TMPO: variants seen among roughly 807,000 people sequenced by gnomAD.
The protein encoded by TMPO is LEM domain containing 4.
Under a neutral mutation model 45.4 loss-of-function variants are expected in TMPO, and 22 were observed. That is an observed-to-expected ratio of 0.48 (90% CI 0.35 to 0.69). The LOEUF (loss-of-function observed/expected upper bound fraction) is 0.69, where lower values mean the gene tolerates loss of function less well. TMPO is among the 30% of genes least tolerant of loss of function. The probability of loss-of-function intolerance (pLI) is 0.01; values close to 1 mark genes in which losing one functional copy is unlikely to be tolerated. For synonymous variants in TMPO, 241 were observed against 204.1 expected, an observed-to-expected ratio of 1.18 and a Z score of -1.54; for missense variants, 512 against 548.8, an observed-to-expected ratio of 0.93 and a Z score of 0.67.
chr12:98,536,753 A>T (rs1877596757), intron 3 of TMPO, among the ~76,000 whole-genome samples: 1 of 152,228 alleles, frequency 6.6e-6, no homozygotes, highest in Non-Finnish European at 1.5e-5. Flanking sequence ...AAAAATACAT[A>T]TCCTTGCGTT....
intron 1 of TMPO, among the ~76,000 whole-genome samples, chr12:98,527,351 CAA>C (rs1175889026): frequency 9.9e-6 from 1 of 100,668 alleles, no homozygotes; most frequent in African/African-American, 4.3e-5. Context: ...AAAAAAAAAA[CAA>C]AAAAAAAAAA....
intron 3 of TMPO, chr12:98,533,885 T>C: frequency 6.2e-7 from 1 of 1,614,170 alleles, no homozygotes; most frequent in Non-Finnish European, 8.5e-7. Context: ...ATCCTAGGGT[T>C]TATTTCTGAA....
At chr12:98,539,477 T>TTTTC (rs1877780608) in intron 4 of TMPO, among the ~76,000 whole-genome samples, 1 of 149,162 alleles carries the variant, frequency 6.7e-6, no homozygotes, top group African/African-American at 2.5e-5. Context: ...ATTACTTTTT[T>TTTTC]TTTTTTTTTT....
Position 98,549,334 on chromosome 12 carries a change from C to T in TMPO, c.*1476C>T, listed in dbSNP as rs973928993. 5.3e-5 allele frequency: 8 copies of T among 152,126 alleles called. No homozygotes were observed. Among genetic ancestry groups the T allele is most frequent in the African/African-American group, 1.9e-4 (8 of 41,404 alleles). The allele number at this position is 152,126 out of a possible 1,614,324, so 9.4% of individuals were successfully genotyped here. A position where few individuals can be genotyped will look rare whatever the true frequency, so the allele number is the denominator to read the frequency against. On this transcript the variant is annotated 3_prime_UTR_variant, in exon 9 of 9. Coordinates refer to ENST00000556029, the MANE Select transcript of TMPO (RefSeq NM_001032283.3). ...CTGCCTCCCAGGTTCAAGCAATTTT[C>T]CTGCCTCGGCAGAGACGGGGTTTCA...
Position 98,547,668 on chromosome 12 carries a change from CT to C in TMPO, c.1176del (p.Lys393SerfsTer23). On this transcript the variant is annotated frameshift_variant, in exon 9 of 9. Transcript: ENST00000556029. LOFTEE classifies it high-confidence loss of function. The stretch of plus-strand genomic sequence containing the variant: ...GAGTCTTTTTCATCTAAATATGTTC[CT>C]AAGTATGTTCCCTTGGCAGATGTCA... Reference protein sequence around the residue: ...MEESFSSKYVPKYVPLADVKS... With the variant: ...MEESFSSKYVXKYVPLADVKS... The C allele has an allele frequency of 1.2e-6, 2 of 1,614,152 alleles. No homozygotes were observed. Among genetic ancestry groups the C allele is most frequent in the Non-Finnish European group, 1.7e-6 (2 of 1,180,028 alleles).
At chr12:98,536,268 GTAATC>G (rs1877559675) in intron 3 of TMPO, among the ~76,000 whole-genome samples, 1 of 152,068 alleles carries the variant, frequency 6.6e-6, no homozygotes, top group African/African-American at 2.4e-5. Context: ...CAGTAAGAAA[GTAATC>G]TAACTTAAAT....
At chr12:98,547,437 T>G in intron 8 of TMPO, 136 bp from the exon 9 acceptor site, 1 of 1,030,910 alleles carries the variant, frequency 9.7e-7, no homozygotes, top group Non-Finnish European at 1.4e-6. Flanking sequence ...CCTCACTGCT[T>G]TATATGTATC....
intron 1 of TMPO, among the ~76,000 whole-genome samples, chr12:98,519,401 G>C (rs1229903690): frequency 6.6e-6 from 1 of 152,122 alleles, no homozygotes; most frequent in East Asian, 1.9e-4. Context: ...GTTTCGCCAT[G>C]TTGGCCAGGC....
chr12:98,545,352 G>C (rs1878170079), intron 7 of TMPO, among the ~76,000 whole-genome samples: 1 of 152,092 alleles, frequency 6.6e-6, no homozygotes, highest in Admixed American at 6.6e-5. Context: ...TGTTCTGTTT[G>C]TCATGGATGC....
intron 3 of TMPO, chr12:98,533,588 C>T (rs142981381): frequency 1.2e-6 from 2 of 1,614,026 alleles, no homozygotes; most frequent in Non-Finnish European, 1.7e-6. Context: ...GATTCAGGTT[C>T]CTTTGTGGCA....
chr12:98,546,545 A>C (rs1409022977), intron 8 of TMPO, 98 bp downstream of exon 8: 2 of 1,039,250 alleles, frequency 1.9e-6, no homozygotes, highest in East Asian at 4.9e-5. Flanking sequence ...GCTCAGAATT[A>C]AGCTGTTTTT....
intron 1 of TMPO, among the ~76,000 whole-genome samples, chr12:98,524,271 G>T (rs923447352): frequency 6.6e-6 from 1 of 152,142 alleles, no homozygotes; most frequent in Non-Finnish European, 1.5e-5. Flanking sequence ...CCAAATAGAG[G>T]TAACAAGAGT....
intron 1 of TMPO, 58 bp downstream of exon 1, chr12:98,516,204 C>T (rs1203785365): frequency 1.5e-6 from 2 of 1,318,050 alleles, no homozygotes; most frequent in Non-Finnish European, 1.9e-6. Flanking sequence ...CGCGCGCGCT[C>T]GCCGCCGTTT....
intron 1 of TMPO, among the ~76,000 whole-genome samples, chr12:98,517,274 C>T (rs984753016): frequency 6.6e-6 from 1 of 152,232 alleles, no homozygotes; most frequent in Non-Finnish European, 1.5e-5. Flanking sequence ...GGTTAAATCT[C>T]AAATCGGCTC....
chr12:98,532,865 T>G (rs1422524925), intron 3 of TMPO: 1 of 1,614,196 alleles, frequency 6.2e-7, no homozygotes, highest in Non-Finnish European at 8.5e-7. Flanking sequence ...ACTAGGGATA[T>G]TGTTCCTTTT....
chr12:98,519,775 G>C (rs1349038058), intron 1 of TMPO, among the ~76,000 whole-genome samples: 1 of 152,032 alleles, frequency 6.6e-6, no homozygotes, highest in Non-Finnish European at 1.5e-5. Flanking sequence ...GAGTCTGTTC[G>C]ATGTTTTTAT....
chr12:98,539,081 T>G (rs984564851), intron 4 of TMPO, among the ~76,000 whole-genome samples: 1 of 151,976 alleles, frequency 6.6e-6, no homozygotes, highest in African/African-American at 2.4e-5. Context: ...ATGCCTGTAA[T>G]CCTAGCTACT....
At position 98,531,567 on chromosome 12, in the gene TMPO, G is replaced by C; in HGVS notation, c.407-113G>C. On this transcript the variant is annotated intron_variant, in intron 2 of 8. Coordinates refer to ENST00000556029, the MANE Select transcript of TMPO (RefSeq NM_001032283.3). ...ATGGTATTTTTTTTTTTAAGAACTT[G>C]AGTTTAGAAAAATAAAGGGTGAAAA... is the stretch of plus-strand genomic sequence containing the variant. 1.7e-6 allele frequency: 2 copies of C among 1,148,428 alleles called. 1 individual carries two copies. Among genetic ancestry groups the C allele is most frequent in the South Asian group, 2.7e-5 (2 of 73,014 alleles). The allele number at this position is 1,148,428 out of a possible 1,614,324, so 71.1% of individuals were successfully genotyped here.
chr12:98,536,397 A>C (rs1565813334), intron 3 of TMPO, among the ~76,000 whole-genome samples: 1 of 152,080 alleles, frequency 6.6e-6, no homozygotes, highest in Non-Finnish European at 1.5e-5. Flanking sequence ...CTTGTCCCCA[A>C]AGCTGGAGTG....
Sources: allele counts gnomAD v4.1 joint callset (sites outside exome capture counted in the v4.1 genomes callset), GRCh38; gene constraint gnomAD v4.1.1; transcripts MANE v1.5; gene names NCBI Gene and HGNC (gene_info 2026-07-23, HGNC 2026-07-21).